CNTNAP2: variants seen among roughly 807,000 people sequenced by gnomAD.
CNTNAP2 encodes the protein contactin-associated protein-like 2.
CNTNAP2 carries 98 observed loss-of-function variants against 155.2 expected under a neutral mutation model. The observed-to-expected ratio is 0.63, with a 90% CI of 0.54 to 0.75. The LOEUF (loss-of-function observed/expected upper bound fraction) is 0.75. CNTNAP2 is among the 30% of genes least tolerant of loss of function. The probability of loss-of-function intolerance (pLI) is 0.00; values close to 1 mark genes in which losing one functional copy is unlikely to be tolerated. For missense variants in CNTNAP2, 1,727 were observed against 1,688.1 expected, an observed-to-expected ratio of 1.02 and a Z score of -0.40; for synonymous variants, 651 against 631.2, an observed-to-expected ratio of 1.03 and a Z score of -0.47.
At chr7:146,669,758 TA>T (rs1800267353) in intron 1 of CNTNAP2, among the ~76,000 whole-genome samples, 1 of 152,170 alleles carries the variant, frequency 6.6e-6, no homozygotes, top group African/African-American at 2.4e-5. Context: ...TAAAAGAGGT[TA>T]AGGAAATTTG....
rs2116652847 is a variant in CNTNAP2, at chr7:148,147,728, A to G, written c.2773+19A>G. 1 of 1,609,944 alleles carries G rather than the reference A, an allele frequency of 6.2e-7. No individual in the cohort carries two copies. The highest frequency in any genetic ancestry group is 8.5e-7 in the Non-Finnish European group (1 of 1,177,880). On this transcript the variant is annotated intron_variant, in intron 17 of 23. Coordinates refer to ENST00000361727, the MANE Select transcript of CNTNAP2 (RefSeq NM_014141.6). ...TTTGTGGGTAAGTAATGGAAAGGTAACCATGGCTTCCCTCTGTTGATTTTT... is the reference window on the plus strand; with the variant it reads ...TTTGTGGGTAAGTAATGGAAAGGTAGCCATGGCTTCCCTCTGTTGATTTTT...
chr7:148,367,402 TATA>T (rs1293605943), intron 21 of CNTNAP2, among the ~76,000 whole-genome samples: 1 of 152,096 alleles, frequency 6.6e-6, no homozygotes, highest in African/African-American at 2.4e-5. Context: ...TGTTCTAATA[TATA>T]ATATGTTAAT....
At chr7:146,502,979 T>G (rs1361319812) in intron 1 of CNTNAP2, among the ~76,000 whole-genome samples, 3 of 152,176 alleles carry the variant, frequency 2.0e-5, no homozygotes, top group Non-Finnish European at 2.9e-5. Context: ...TTTCATATAC[T>G]TGTTAGCTAT....
intron 1 of CNTNAP2, among the ~76,000 whole-genome samples, chr7:146,577,729 A>C (rs1254820617): frequency 6.6e-6 from 1 of 152,162 alleles, no homozygotes. Flanking sequence ...AAATGCACAA[A>C]TTTAAACACA....
chr7:147,074,167 T>TTTCCCTGATAATCATTCTGC, intron 4 of CNTNAP2, among the ~76,000 whole-genome samples: 1 of 152,170 alleles, frequency 6.6e-6, no homozygotes, highest in African/African-American at 2.4e-5. Flanking sequence ...AACCAACGTG[T>TTTCCCTGATAATCATTCTGC]TTCCCTGATA....
chr7:146,832,888 T>G (rs1260811935), intron 2 of CNTNAP2, among the ~76,000 whole-genome samples: 1 of 151,876 alleles, frequency 6.6e-6, no homozygotes, highest in Non-Finnish European at 1.5e-5. Context: ...TTAGTAGAGA[T>G]GGGGTTGCAC....
At chr7:146,922,500 G>T (rs1220031784) in intron 3 of CNTNAP2, among the ~76,000 whole-genome samples, 1 of 151,838 alleles carries the variant, frequency 6.6e-6, no homozygotes, top group African/African-American at 2.4e-5. Context: ...TGTTTTGGGA[G>T]GTTAATCAAT....
intron 1 of CNTNAP2, among the ~76,000 whole-genome samples, chr7:146,592,076 GT>G (rs1798791318): frequency 6.6e-6 from 1 of 152,146 alleles, no homozygotes; most frequent in Non-Finnish European, 1.5e-5. Context: ...TAGGATGTCT[GT>G]TTTTGCCAAT....
chr7:146,331,317 AT>A (rs59198062), intron 1 of CNTNAP2, among the ~76,000 whole-genome samples: 8,971 of 134,760 alleles, frequency 0.067, 745 homozygotes, highest in African/African-American at 0.21. Context: ...AAAAAAAAAA[AT>A]AAAAATAACC....
chr7:146,624,680 C>T (rs1243430189), intron 1 of CNTNAP2, among the ~76,000 whole-genome samples: 1 of 151,638 alleles, frequency 6.6e-6, no homozygotes, highest in Non-Finnish European at 1.5e-5. Context: ...TCAGTTTGTT[C>T]TTTTTTCAGT....
At chr7:147,921,922 A>C (rs1489299673) in intron 14 of CNTNAP2, among the ~76,000 whole-genome samples, 1 of 152,176 alleles carries the variant, frequency 6.6e-6, no homozygotes, top group Non-Finnish European at 1.5e-5. Context: ...AGTAACGCTG[A>C]GACATGTGGT....
At chr7:147,865,526 G>T (rs932460007) in intron 13 of CNTNAP2, among the ~76,000 whole-genome samples, 4 of 152,118 alleles carry the variant, frequency 2.6e-5, no homozygotes, top group African/African-American at 9.7e-5. Flanking sequence ...TTGTACCTCT[G>T]GTAGAATTCG....
chr7:148,319,837 G>A (rs1797759081), intron 21 of CNTNAP2, among the ~76,000 whole-genome samples: 1 of 151,684 alleles, frequency 6.6e-6, no homozygotes, highest in African/African-American at 2.4e-5. Flanking sequence ...AAGTTGTATA[G>A]TTATTTCATT....
At chr7:146,613,084 C>G (rs1799165687) in intron 1 of CNTNAP2, among the ~76,000 whole-genome samples, 1 of 152,114 alleles carries the variant, frequency 6.6e-6, no homozygotes, top group African/African-American at 2.4e-5. Flanking sequence ...TTTTCCCTAT[C>G]TATAGATTTG....
In CNTNAP2 at chr7:147,839,883, A is replaced by ATG. The variant is rs565707928; in HGVS notation, c.2099-63668_2099-63667dup. 2.4e-4 allele frequency among the ~76,000 whole-genome samples: 36 copies of ATG among 151,792 alleles called. No homozygotes were observed. The East Asian group carries it at 2.9e-3, about 12-fold the overall frequency. ...TGGATAAAGACAATGTGGTGTATATATGTGTGTGTGTGTGTATATATATGT... is the reference window on the plus strand; with the variant it reads ...TGGATAAAGACAATGTGGTGTATATATGTGTGTGTGTGTGTGTATATATATGT... On this transcript the variant is annotated intron_variant, in intron 13 of 23. Transcript: ENST00000361727.
intron 15 of CNTNAP2, among the ~76,000 whole-genome samples, chr7:147,981,982 A>C (rs1801539263): frequency 6.6e-6 from 1 of 152,212 alleles, no homozygotes; most frequent in African/African-American, 2.4e-5. Context: ...ACCTAGAAAG[A>C]AACAAAAGAA....
At chr7:147,041,444 G>A (rs1241872290) in intron 3 of CNTNAP2, among the ~76,000 whole-genome samples, 1 of 152,134 alleles carries the variant, frequency 6.6e-6, no homozygotes, top group African/African-American at 2.4e-5. Context: ...CCTGGACTCT[G>A]GGTCTTATAC....
chr7:147,223,708 C>T (rs933747436), intron 8 of CNTNAP2, among the ~76,000 whole-genome samples: 16 of 152,064 alleles, frequency 1.1e-4, no homozygotes, highest in Middle Eastern at 6.8e-3. Context: ...TTTGGGAGGC[C>T]GAGGCAGGCG....
chr7:147,024,464 A>G (rs1343590693), intron 3 of CNTNAP2, among the ~76,000 whole-genome samples: 2 of 152,192 alleles, frequency 1.3e-5, no homozygotes, highest in African/African-American at 4.8e-5. Context: ...AAACGGGGGA[A>G]GGTTACATAG....
Sources: allele counts gnomAD v4.1 joint callset (sites outside exome capture counted in the v4.1 genomes callset), GRCh38; gene constraint gnomAD v4.1.1; transcripts MANE v1.5; gene names NCBI Gene and HGNC (gene_info 2026-07-23, HGNC 2026-07-21).